The following PUDP variants were observed in gnomAD, a reference collection of about 807,000 sequenced individuals.
PUDP encodes pseudouridine-5'-phosphatase.
A neutral mutation model predicts 9.4 loss-of-function variants in PUDP; 8 were observed. That is an observed-to-expected ratio of 0.85 (90% CI 0.50 to 1.53). The LOEUF (loss-of-function observed/expected upper bound fraction) is 1.53. PUDP is among the 40% of genes most tolerant of loss of function. PUDP has a pLI of 0.00. For missense variants in PUDP, 188 were observed against 189.7 expected, an observed-to-expected ratio of 0.99 and a Z score of 0.05; for synonymous variants, 99 against 80.7, an observed-to-expected ratio of 1.23 and a Z score of -1.22.
intron 3 of PUDP, among the ~76,000 whole-genome samples, chrX:6,926,922 C>CTTTTTTTTT (rs61299123): frequency 6.0e-5 from 4 of 66,850 alleles, no homozygotes; most frequent in Non-Finnish European, 8.0e-5. Context: ...GAGACAATTC[C>CTTTTTTTTT]TTTTTTTTTT....
chrX:6,827,407 A>T (rs1186990636), intron 3 of PUDP, among the ~76,000 whole-genome samples: 2 of 111,987 alleles, frequency 1.8e-5, no homozygotes, highest in African/African-American at 6.5e-5. Flanking sequence ...GGGAGTTTAA[A>T]TACCCTCTAG....
At chrX:6,964,698 A>T (rs1302740423) in intron 3 of PUDP, among the ~76,000 whole-genome samples, 1 of 111,292 alleles carries the variant, frequency 9.0e-6, no homozygotes, top group Non-Finnish European at 1.9e-5. Context: ...TAAGTAAAAA[A>T]GTCAATAAAT....
chrX:6,831,601 A>G (rs1926504657), intron 3 of PUDP, among the ~76,000 whole-genome samples: 1 of 112,167 alleles, frequency 8.9e-6, no homozygotes, highest in Non-Finnish European at 1.9e-5. Flanking sequence ...CAAGTTAATG[A>G]GACAAATTAT....
At chrX:7,044,108 G>A (rs1212024711), downstream of PUDP, among the ~76,000 whole-genome samples, 2 of 111,793 alleles carry the variant, frequency 1.8e-5, no homozygotes, top group African/African-American at 3.2e-5. Context: ...TATTTGCAAA[G>A]CAGCAGTTCT....
chrX:7,059,469 CAT>C (rs1930338545), intron 3 of PUDP, among the ~76,000 whole-genome samples: 1 of 111,856 alleles, frequency 8.9e-6, no homozygotes, highest in Non-Finnish European at 1.9e-5. Context: ...CTGAGTAAAA[CAT>C]GTGAAATCAA....
chrX:7,088,228 C>T (rs145202607), intron 2 of PUDP, among the ~76,000 whole-genome samples: 2,023 of 111,525 alleles, frequency 0.018, 38 homozygotes, highest in African/African-American at 0.061. Flanking sequence ...ATGAAGTAAA[C>T]GTAGGACTAC....
At chrX:6,915,828 A>G (rs1927920306) in intron 3 of PUDP, among the ~76,000 whole-genome samples, 1 of 111,579 alleles carries the variant, frequency 9.0e-6, no homozygotes, top group Non-Finnish European at 1.9e-5. Context: ...TGACTGCCCT[A>G]GGTGTTATAA....
intron 3 of PUDP, among the ~76,000 whole-genome samples, chrX:6,926,307 GCCTTCTGCTGACAGTC>G (rs1928101061): frequency 1.8e-5 from 2 of 112,088 alleles, no homozygotes; most frequent in African/African-American, 6.5e-5. Context: ...CTGCCTCTCA[GCCTTCTGCTGACAGTC>G]AGACAGGAGT....
At chrX:7,095,752 A>C (rs1931554857) in intron 2 of PUDP, among the ~76,000 whole-genome samples, 1 of 112,473 alleles carries the variant, frequency 8.9e-6, no homozygotes, top group Non-Finnish European at 1.9e-5. Context: ...GGATTATCAG[A>C]GCGGCCTATA....
chrX:7,108,444 T>G (rs1931948692), intron 1 of PUDP, among the ~76,000 whole-genome samples: 1 of 111,408 alleles, frequency 9.0e-6, no homozygotes. Context: ...CCTTGGGCTT[T>G]TGGGTGGCCC....
chrX:7,134,409 A>AT (rs1932692542), intron 1 of PUDP, among the ~76,000 whole-genome samples: 1 of 111,914 alleles, frequency 8.9e-6, no homozygotes, highest in African/African-American at 3.3e-5. Flanking sequence ...GAAGTGCTGG[A>AT]TTTTCACTGG....
intron 1 of PUDP, among the ~76,000 whole-genome samples, chrX:6,986,466 T>A (rs1362967798): frequency 9.0e-6 from 1 of 111,527 alleles, no homozygotes; most frequent in Non-Finnish European, 1.9e-5. Context: ...CCAGTTATGC[T>A]TTCATTACAG....
At chrX:6,748,940 T>C (rs193011431) in intron 3 of PUDP, among the ~76,000 whole-genome samples, 3 of 110,373 alleles carry the variant, frequency 2.7e-5, no homozygotes, top group East Asian at 5.7e-4. Flanking sequence ...CTTAGAAAGG[T>C]TGGCGATAAA....
chrX:7,013,783 G>A (rs1929511189), intron 1 of PUDP, among the ~76,000 whole-genome samples: 1 of 111,819 alleles, frequency 8.9e-6, no homozygotes, highest in African/African-American at 3.3e-5. Context: ...GGGAGGGGGG[G>A]TGCCTGCAGC....
At chrX:6,720,258 G>GTATATATATATATATA (rs543397118) in intron 1 of PUDP, among the ~76,000 whole-genome samples, 30 of 48,778 alleles carry the variant, frequency 6.2e-4, no homozygotes, top group African/African-American at 1.5e-3. Context: ...GTGTGTGTGT[G>GTATATATATATATATA]TATATATATA....
At chrX:7,038,151 C>A (rs1162289848) in intron 1 of PUDP, among the ~76,000 whole-genome samples, 3 of 112,242 alleles carry the variant, frequency 2.7e-5, no homozygotes, top group Non-Finnish European at 5.6e-5. Context: ...ACCTTAATTT[C>A]CATTTTATTC....
intron 3 of PUDP, among the ~76,000 whole-genome samples, chrX:7,053,578 T>C (rs1930160385): frequency 8.9e-6 from 1 of 112,166 alleles, no homozygotes; most frequent in African/African-American, 3.2e-5. Flanking sequence ...CCTGCTGCCA[T>C]GCAAGACATA....
chrX:7,127,042 G>T (rs1282850303), intron 1 of PUDP, among the ~76,000 whole-genome samples: 1 of 111,802 alleles, frequency 8.9e-6, no homozygotes, highest in Non-Finnish European at 1.9e-5. Context: ...CATAGGGTAT[G>T]GTTCCTGCTA....
At chrX:6,876,202 T>C (rs931407416) in intron 3 of PUDP, among the ~76,000 whole-genome samples, 1 of 112,000 alleles carries the variant, frequency 8.9e-6, no homozygotes, top group Non-Finnish European at 1.9e-5. Flanking sequence ...ACATGAGATA[T>C]ATAACATGTT....
Sources: gnomAD v4.1 joint callset for allele counts (sites outside exome capture counted in the v4.1 genomes callset) on GRCh38, gnomAD v4.1.1 for gene constraint, MANE v1.5 for transcripts, NCBI Gene and HGNC (gene_info 2026-07-23, HGNC 2026-07-21) for gene names.